AVL9: variants seen among roughly 807,000 people sequenced by gnomAD.
AVL9 encodes late secretory pathway protein AVL9 homolog.
Under a neutral mutation model 79.2 loss-of-function variants are expected in AVL9, and 49 were observed. That is an observed-to-expected ratio of 0.62 (90% CI 0.49 to 0.79). The LOEUF is 0.79. Ranked by LOEUF, AVL9 falls within the 30% of genes least tolerant of loss-of-function variation. The pLI is 0.00. For synonymous variants in AVL9, 299 were observed against 280.6 expected (o/e 1.07, Z -0.65); for missense variants, 682 against 776.8 (o/e 0.88, Z 1.45).
intron 1 of AVL9, among the ~76,000 whole-genome samples, chr7:32,513,647 G>A (rs147046808): frequency 6.6e-6 from 1 of 152,182 alleles, no homozygotes; most frequent in Non-Finnish European, 1.5e-5. Context: ...GGTATTTCTC[G>A]CAAGGTGGAG....
intron 1 of AVL9, among the ~76,000 whole-genome samples, chr7:32,513,999 A>G (rs987368001): frequency 2.0e-5 from 3 of 152,214 alleles, no homozygotes; most frequent in Non-Finnish European, 4.4e-5. Context: ...TATTGCCACC[A>G]TGATGTCTCA....
At chr7:32,519,965 A>G (rs1583507621) in intron 1 of AVL9, among the ~76,000 whole-genome samples, 2 of 152,294 alleles carry the variant, frequency 1.3e-5, no homozygotes, top group Non-Finnish European at 2.9e-5. Context: ...ACACACTTTC[A>G]AAAACCAGAT....
intron 1 of AVL9, among the ~76,000 whole-genome samples, chr7:32,499,184 A>G (rs187858570): frequency 6.6e-6 from 1 of 152,036 alleles, no homozygotes; most frequent in East Asian, 1.9e-4. Flanking sequence ...ACAAAAATTT[A>G]TCTGACATTA....
intron 10 of AVL9, among the ~76,000 whole-genome samples, chr7:32,561,729 CTGTT>C (rs35928993): frequency 0.19 from 28,237 of 152,062 alleles, 2,866 homozygotes; most frequent in South Asian, 0.3. Flanking sequence ...ACTTGGCTAA[CTGTT>C]TGGTGCAAGA....
At chr7:32,502,406 A>AAAAAAG (rs201243248) in intron 1 of AVL9, among the ~76,000 whole-genome samples, 7 of 140,116 alleles carry the variant, frequency 5.0e-5, no homozygotes, top group African/African-American at 1.3e-4. Context: ...AAAAAAAAAA[A>AAAAAAG]AAAGAAAGAA....
At chr7:32,547,488 G>A (rs571459797) in intron 3 of AVL9, among the ~76,000 whole-genome samples, 18 of 152,304 alleles carry the variant, frequency 1.2e-4, no homozygotes, top group Middle Eastern at 3.4e-3. Flanking sequence ...CGTATGTCAT[G>A]TAAGCACTAG....
At chr7:32,513,232 A>G (rs978187128) in intron 1 of AVL9, among the ~76,000 whole-genome samples, 24 of 152,310 alleles carry the variant, frequency 1.6e-4, no homozygotes, top group Admixed American at 9.2e-4. Flanking sequence ...CACCCCTGCA[A>G]CCATCCCAAT....
chr7:32,580,752 AT>A, intron 14 of AVL9, 49 bp from the exon 15 acceptor site: 2 of 1,402,086 alleles, frequency 1.4e-6, no homozygotes, highest in Admixed American at 1.8e-5. Flanking sequence ...CGTGTGTGAG[AT>A]TTTTTTAAAA....
At chr7:32,517,949 G>GC (rs1787981616) in intron 1 of AVL9, among the ~76,000 whole-genome samples, 1 of 152,008 alleles carries the variant, frequency 6.6e-6, no homozygotes, top group African/African-American at 2.4e-5. Flanking sequence ...CTCTGCCTCA[G>GC]CCTCTTGAGT....
Position 32,495,731 on chromosome 7 carries a change from G to A in AVL9, c.22G>A (p.Gly8Arg). 1.6e-6 allele frequency: 2 copies of A among 1,261,712 alleles called. No individual in the cohort carries two copies. The highest frequency in any genetic ancestry group is 6.6e-5 in the South Asian group (2 of 30,444). The allele number at this position is 1,261,712 out of a possible 1,614,324, so 78.2% of individuals were successfully genotyped here. The change falls in exon 1 of 16, where the codon GGG (glycine) becomes AGG (arginine). Residue 8 changes from glycine to arginine, a missense_variant. Coordinates refer to ENST00000318709, the MANE Select transcript of AVL9 (RefSeq NM_015060.3). The part of the protein sequence containing the change: MEKARRG[G>R]DGVPRGPVLH... ...GCCCATGGAGAAGGCCAGGAGAGGC[G>A]GGGATGGCGTCCCCCGGGGGCCCGT...
chr7:32,533,628 T>C (rs1788767139), intron 1 of AVL9: 1 of 152,234 alleles, frequency 6.6e-6, no homozygotes, highest in African/African-American at 2.4e-5. Context: ...TCTTTTGTTT[T>C]AAGCAGAAAA....
intron 1 of AVL9, among the ~76,000 whole-genome samples, chr7:32,497,041 A>C (rs1380770590): frequency 6.6e-6 from 1 of 151,292 alleles, no homozygotes; most frequent in Non-Finnish European, 1.5e-5. Flanking sequence ...CTGAGGCTAC[A>C]GTGACCCTTG....
intron 12 of AVL9, 82 bp downstream of exon 12, chr7:32,573,500 C>T: frequency 8.2e-7 from 1 of 1,213,608 alleles, no homozygotes; most frequent in South Asian, 1.4e-5. Context: ...TTGGATTGCA[C>T]AATAAATACA....
At chr7:32,519,858 C>T (rs1225459569) in intron 1 of AVL9, among the ~76,000 whole-genome samples, 1 of 152,006 alleles carries the variant, frequency 6.6e-6, no homozygotes. Context: ...GAATGGGAGG[C>T]CTCAGGAAAC....
At chr7:32,520,818 A>G (rs1189619571) in intron 1 of AVL9, among the ~76,000 whole-genome samples, 2 of 152,054 alleles carry the variant, frequency 1.3e-5, no homozygotes, top group Non-Finnish European at 2.9e-5. Context: ...CATAGGGGTA[A>G]TTGGGCTGTG....
chr7:32,550,184 C>G (rs967585759), intron 4 of AVL9, among the ~76,000 whole-genome samples: 2 of 152,102 alleles, frequency 1.3e-5, no homozygotes, highest in Admixed American at 6.6e-5. Flanking sequence ...ATAATAGATG[C>G]CATTTATTGA....
At chr7:32,544,471 T>C (rs1308063000) in intron 2 of AVL9, among the ~76,000 whole-genome samples, 1 of 152,236 alleles carries the variant, frequency 6.6e-6, no homozygotes, top group Non-Finnish European at 1.5e-5. Context: ...TTTGACCTGT[T>C]ATAATTCAGT....
chr7:32,586,502 C>G lies in AVL9; in HGVS notation c.*2595C>G, dbSNP rs1024381039. 6.7e-6 allele frequency: 1 copy of G among 149,928 alleles called. No individual in the cohort carries two copies. The highest frequency in any genetic ancestry group is 1.5e-5 in the Non-Finnish European group (1 of 67,676). The allele number at this position is 149,928 out of a possible 1,614,324, so 9.3% of individuals were successfully genotyped here. On this transcript the variant is annotated 3_prime_UTR_variant, in exon 16 of 16. Transcript: ENST00000318709. ...CACACACATACTTCAGGCTTGGATTCTAGGCTCCAAGTGGCCAGCATAGAA... is the reference window on the plus strand; with the variant it reads ...CACACACATACTTCAGGCTTGGATTGTAGGCTCCAAGTGGCCAGCATAGAA...
At chr7:32,573,594 A>C (rs1790956349) in intron 12 of AVL9, among the ~76,000 whole-genome samples, 176 bp downstream of exon 12, 1 of 152,174 alleles carries the variant, frequency 6.6e-6, no homozygotes, top group African/African-American at 2.4e-5. Context: ...AGCCTTGCAA[A>C]TCTTTTCCTA....
Sources: allele counts gnomAD v4.1 joint callset (sites outside exome capture counted in the v4.1 genomes callset), GRCh38; gene constraint gnomAD v4.1.1; transcripts MANE v1.5; gene names NCBI Gene and HGNC (gene_info 2026-07-23, HGNC 2026-07-21).